RAD54L2: variants seen among roughly 807,000 people sequenced by gnomAD.
RAD54L2 encodes the protein helicase ARIP4.
Under a neutral mutation model 138.4 loss-of-function variants are expected in RAD54L2, and 27 were observed. That is an observed-to-expected ratio of 0.20 (90% CI 0.14 to 0.27). The LOEUF (loss-of-function observed/expected upper bound fraction) is 0.27. RAD54L2 is among the 10% of genes least tolerant of loss of function. The pLI, the probability that RAD54L2 is intolerant of heterozygous loss-of-function variation, is 1.00. For missense variants in RAD54L2, 1,396 were observed against 1,890.2 expected, an observed-to-expected ratio of 0.74 and a Z score of 4.85; for synonymous variants, 644 against 723.2, an observed-to-expected ratio of 0.89 and a Z score of 1.76.
intron 15 of RAD54L2, among the ~76,000 whole-genome samples, chr3:51,643,487 A>C (rs1392237838): frequency 6.6e-6 from 1 of 152,188 alleles, no homozygotes; most frequent in Admixed American, 6.5e-5. Flanking sequence ...GAGGAACATC[A>C]TCCATATCAA....
intron 2 of RAD54L2, among the ~76,000 whole-genome samples, chr3:51,580,379 T>A (rs1699579464): frequency 6.6e-6 from 1 of 152,204 alleles, no homozygotes; most frequent in Non-Finnish European, 1.5e-5. Context: ...CTTTGATGTG[T>A]TCTCCAACCT....
intron 3 of RAD54L2, among the ~76,000 whole-genome samples, chr3:51,604,836 A>G (rs990511275): frequency 3.3e-5 from 5 of 152,308 alleles, no homozygotes; most frequent in South Asian, 2.1e-4. Context: ...GCTGTAGGCA[A>G]TAGTTGTTCT....
chr3:51,596,398 G>A (rs892407936), intron 3 of RAD54L2, among the ~76,000 whole-genome samples: 1 of 151,934 alleles, frequency 6.6e-6, no homozygotes, highest in Non-Finnish European at 1.5e-5. Context: ...TCCTCCTGCA[G>A]CAGAGAAACA....
At chr3:51,575,610 A>G (rs891182693) in intron 2 of RAD54L2, among the ~76,000 whole-genome samples, 2 of 152,102 alleles carry the variant, frequency 1.3e-5, no homozygotes, top group African/African-American at 4.8e-5. Context: ...CTTTGTAGCA[A>G]TTGTGAATGG....
In RAD54L2 at chr3:51,638,731, C is replaced by A. The variant is rs1701053340; in HGVS notation, c.1860+410C>A. The stretch of plus-strand genomic sequence containing the variant: ...AGATTGAGACCTCTCTCATTCTTTT[C>A]TTGAGGGACCTGTTTCATTGACTTC... On this transcript the variant is annotated intron_variant, in intron 12 of 22. Transcript: ENST00000684192. This position sits in a 1 kb window ranked among gnomAD's most constrained non-coding sequence, Gnocchi z 4.3. 1 of 164,942 alleles carries A rather than the reference C, an allele frequency of 6.1e-6. No homozygotes were observed. Among genetic ancestry groups the A allele is most frequent in the South Asian group, 1.8e-4 (1 of 5,636 alleles). 10.2% of individuals were successfully genotyped at this position (164,942 alleles called of 1,614,324 possible). A position where few individuals can be genotyped will look rare whatever the true frequency, so the allele number is the denominator to read the frequency against.
chr3:51,614,269 C>G (rs1057291379), intron 3 of RAD54L2, among the ~76,000 whole-genome samples: 1 of 151,862 alleles, frequency 6.6e-6, no homozygotes, highest in Non-Finnish European at 1.5e-5. Context: ...TCCAGTAATC[C>G]TCTCATGTTA....
chr3:51,654,578 A>G (rs1237415266), intron 19 of RAD54L2, among the ~76,000 whole-genome samples: 1 of 152,130 alleles, frequency 6.6e-6, no homozygotes, highest in African/African-American at 2.4e-5. Flanking sequence ...TCATTTCCCA[A>G]GATAGTATTG....
rs146173527 is a variant in RAD54L2 at position 51,663,090 on chromosome 3, G to A, written c.4074G>A (p.Thr1358=). 122 of 1,613,862 alleles carry A rather than the reference G, an allele frequency of 7.6e-5. No individual in the cohort carries two copies. In the African/African-American group the frequency reaches 1.4e-3, roughly 19 times the overall value. Residue 1358 remains threonine, a synonymous_variant, in exon 23 of 23, where the codon ACG becomes ACA. Coordinates refer to ENST00000684192, the MANE Select transcript of RAD54L2 (RefSeq NM_015106.4). ...VPAGPVSSSS[T]ATSVTASNPS... is the part of the protein sequence containing the mutation. ...CAGGCCCCGTCAGTTCCTCTTCCAC[G>A]GCTACCTCAGTCACTGCCAGCAACC...
At chr3:51,572,880 C>T (rs1030769060) in intron 2 of RAD54L2, among the ~76,000 whole-genome samples, 1 of 151,722 alleles carries the variant, frequency 6.6e-6, no homozygotes, top group Non-Finnish European at 1.5e-5. Context: ...CCTTGTGATT[C>T]GCCTGCCTCA....
chr3:51,580,214 A>G (rs1259161224), intron 2 of RAD54L2, among the ~76,000 whole-genome samples: 1 of 152,184 alleles, frequency 6.6e-6, no homozygotes, highest in African/African-American at 2.4e-5. Flanking sequence ...TGAATGGCCC[A>G]TAGAACTCAG....
chr3:51,587,030 A>G (rs1459793305), intron 2 of RAD54L2, among the ~76,000 whole-genome samples: 1 of 152,148 alleles, frequency 6.6e-6, no homozygotes, highest in Non-Finnish European at 1.5e-5. Context: ...AAAGTTGTTG[A>G]TATCTAATTG....
chr3:51,545,569 T>A (rs183461773), intron 2 of RAD54L2, among the ~76,000 whole-genome samples: 94 of 152,206 alleles, frequency 6.2e-4, no homozygotes, highest in Middle Eastern at 3.4e-3. Flanking sequence ...AGATTTTTTT[T>A]AAATTTTTAA....
At chr3:51,598,866 C>A (rs563071822) in intron 3 of RAD54L2, among the ~76,000 whole-genome samples, 1 of 152,034 alleles carries the variant, frequency 6.6e-6, no homozygotes, top group Non-Finnish European at 1.5e-5. Context: ...GCTCTGCACC[C>A]CTTCCCCCAT....
At chr3:51,625,651 G>T (rs943443505) in intron 3 of RAD54L2, among the ~76,000 whole-genome samples, 4 of 151,902 alleles carry the variant, frequency 2.6e-5, no homozygotes, top group Non-Finnish European at 5.9e-5. Context: ...TTGAGGCCAG[G>T]AGTTTGAAAC....
chr3:51,650,852 C>T (rs764227979), intron 19 of RAD54L2, among the ~76,000 whole-genome samples: 1 of 152,166 alleles, frequency 6.6e-6, no homozygotes, highest in East Asian at 1.9e-4. Context: ...CTAAAATCAA[C>T]ACCCTAACAT....
chr3:51,551,686 C>T (rs1273771838), intron 2 of RAD54L2, among the ~76,000 whole-genome samples: 7 of 152,006 alleles, frequency 4.6e-5, no homozygotes, highest in East Asian at 1.9e-4. Flanking sequence ...CCACCTGCCT[C>T]GGCCTCCCAC....
Position 51,663,523 on chromosome 3 carries a change from G to T in RAD54L2, c.*103G>T. Reference sequence around the variant, plus strand: ...TTGAGAATAGGACACTTGGCAGGAGGGAAAAGGAAGAGGACAAAGGAGGGT... The same window carrying T: ...TTGAGAATAGGACACTTGGCAGGAGTGAAAAGGAAGAGGACAAAGGAGGGT... On this transcript the variant is annotated 3_prime_UTR_variant, in exon 23 of 23. Coordinates refer to ENST00000684192, the MANE Select transcript of RAD54L2 (RefSeq NM_015106.4). The T allele has an allele frequency of 7.5e-7, 1 of 1,329,660 alleles. No individual in the cohort carries two copies. Among genetic ancestry groups the T allele is most frequent in the African/African-American group, 1.5e-5 (1 of 67,666 alleles). 82.4% of individuals were successfully genotyped at this position (1,329,660 alleles called of 1,614,324 possible).
intron 3 of RAD54L2, among the ~76,000 whole-genome samples, chr3:51,609,051 C>G (rs913320849): frequency 3.9e-5 from 6 of 152,100 alleles, no homozygotes; most frequent in East Asian, 3.9e-4. Flanking sequence ...CCACCACACT[C>G]GGCTAATATT....
intron 2 of RAD54L2, among the ~76,000 whole-genome samples, chr3:51,542,229 C>T (rs1698571862): frequency 6.6e-6 from 1 of 152,118 alleles, no homozygotes; most frequent in Admixed American, 6.6e-5. Flanking sequence ...GCATCGAGGA[C>T]TGGAGATGAG....
Sources: allele counts gnomAD v4.1 joint callset (sites outside exome capture counted in the v4.1 genomes callset), GRCh38; gene constraint gnomAD v4.1.1; non-coding constraint Gnocchi (gnomAD v3.1); transcripts MANE v1.5; gene names NCBI Gene and HGNC (gene_info 2026-07-23, HGNC 2026-07-21).